TRA2A: variants seen among roughly 807,000 people sequenced by gnomAD.
The protein encoded by TRA2A is transformer 2 alpha homolog.
TRA2A carries 31 observed loss-of-function variants against 45.7 expected under a neutral mutation model. The ratio of observed to expected loss-of-function variants is 0.68; its 90% CI spans 0.51 to 0.92. The LOEUF is 0.92. TRA2A is among the 40% of genes least tolerant of loss of function. The pLI is 0.00. For synonymous variants in TRA2A, 132 were observed against 126.2 expected, an observed-to-expected ratio of 1.05 and a Z score of -0.31; for missense variants, 304 against 367.5, an observed-to-expected ratio of 0.83 and a Z score of 1.41.
intron 3 of TRA2A, among the ~76,000 whole-genome samples, chr7:23,514,600 C>T (rs1246248753): frequency 6.7e-6 from 1 of 149,676 alleles, no homozygotes; most frequent in East Asian, 2.0e-4. Flanking sequence ...CATTTTCTTT[C>T]TTTTTTTTTT....
chr7:23,519,488 G>A (rs1337806346), intron 2 of TRA2A, among the ~76,000 whole-genome samples: 1 of 152,086 alleles, frequency 6.6e-6, no homozygotes, highest in Non-Finnish European at 1.5e-5. Flanking sequence ...CCCAGGAGGT[G>A]GAGGTTGCAG....
intron 4 of TRA2A, among the ~76,000 whole-genome samples, chr7:23,511,385 AAAAAAAAAAAAAAAAAAAAAAAAAAG>A (rs1245218967): frequency 0.38 from 26,688 of 70,070 alleles, 3,493 homozygotes; most frequent in African/African-American, 0.48. Flanking sequence ...AAAAAAAAAA[AAAAAAAAAAAAAAAAAAAAAAAAAAG>A]AAAAGAAAAG....
At chr7:23,508,375 C>T (rs1484692436) in intron 4 of TRA2A, among the ~76,000 whole-genome samples, 1 of 151,586 alleles carries the variant, frequency 6.6e-6, no homozygotes, top group African/African-American at 2.4e-5. Flanking sequence ...TTATGCAATC[C>T]TCCAGCCTTA....
At chr7:23,509,918 C>G (rs375339510) in intron 4 of TRA2A, among the ~76,000 whole-genome samples, 1 of 151,958 alleles carries the variant, frequency 6.6e-6, no homozygotes, top group African/African-American at 2.4e-5. Flanking sequence ...CCCAGCTACT[C>G]GGGAGGCTAA....
intron 1 of TRA2A, among the ~76,000 whole-genome samples, chr7:23,530,960 T>C (rs6594): frequency 0.13 from 19,022 of 151,614 alleles, 1,458 homozygotes; most frequent in East Asian, 0.37. Flanking sequence ...AGTTTTTAGA[T>C]GAAAGGTCAT....
At chr7:23,526,174 A>G (rs1344615471) in intron 1 of TRA2A, among the ~76,000 whole-genome samples, 1 of 152,340 alleles carries the variant, frequency 6.6e-6, no homozygotes, top group Admixed American at 6.5e-5. Context: ...ACAGCAAGCA[A>G]TAACTGCAGT....
chr7:23,506,101 T>C, intron 6 of TRA2A, 37 bp downstream of exon 6: 2 of 1,554,752 alleles, frequency 1.3e-6, no homozygotes, highest in Non-Finnish European at 1.8e-6. Flanking sequence ...ACTACTATCA[T>C]CTAATTTAGA....
chr7:23,520,267 T>A (rs1411038345), intron 2 of TRA2A, among the ~76,000 whole-genome samples: 1 of 152,180 alleles, frequency 6.6e-6, no homozygotes, highest in African/African-American at 2.4e-5. Context: ...CTATTTTTTT[T>A]AAATCAGACA....
chr7:23,512,883 G>T lies in TRA2A; in HGVS notation c.525+11C>A, dbSNP rs186972773. 218 of 1,590,986 alleles carry T rather than the reference G, an allele frequency of 1.4e-4. No homozygotes were observed. The African/African-American group carries it at 2.2e-3, about 16-fold the overall frequency. ...CAGTACTATAATCAGGCATATAAAA[G>T]ACAAATTTACCTCCTTTGAGTCATC... On this transcript the variant is annotated intron_variant, in intron 4 of 7. Coordinates refer to ENST00000297071, the MANE Select transcript of TRA2A (RefSeq NM_013293.5).
chr7:23,525,045 T>C (rs1216386004), intron 1 of TRA2A, among the ~76,000 whole-genome samples: 2 of 152,192 alleles, frequency 1.3e-5, no homozygotes, highest in African/African-American at 2.4e-5. Context: ...CAGTAACTAT[T>C]AGTAAACTTA....
intron 2 of TRA2A, among the ~76,000 whole-genome samples, chr7:23,517,583 T>A (rs1201160113): frequency 6.8e-6 from 1 of 148,002 alleles, no homozygotes; most frequent in Non-Finnish European, 1.5e-5. Flanking sequence ...CACACTTCTA[T>A]TTTAAAAAAA....
chr7:23,531,258 A>G lies in TRA2A; in HGVS notation c.36+531T>C, dbSNP rs925089677. 28 of 987,084 alleles carry G rather than the reference A, an allele frequency of 2.8e-5. No individual in the cohort carries two copies. In the African/African-American group the frequency reaches 4.7e-4, roughly 17 times the overall value. 61.1% of individuals were successfully genotyped at this position (987,084 alleles called of 1,614,324 possible). ...CGCAACGCCGCCGGTTCCAACAGAG[A>G]CGCGGCCGCTCACTGAAATAGAGAG... On this transcript the variant is annotated intron_variant, in intron 1 of 7. Coordinates refer to ENST00000297071, the MANE Select transcript of TRA2A (RefSeq NM_013293.5).
intron 4 of TRA2A, among the ~76,000 whole-genome samples, chr7:23,511,906 G>A (rs1789638171): frequency 6.6e-6 from 1 of 152,106 alleles, no homozygotes; most frequent in Admixed American, 6.5e-5. Flanking sequence ...AACATTTAGA[G>A]AATAGAAAAA....
intron 4 of TRA2A, among the ~76,000 whole-genome samples, chr7:23,511,935 T>C (rs965128728): frequency 2.6e-5 from 4 of 152,250 alleles, no homozygotes; most frequent in Non-Finnish European, 5.9e-5. Context: ...TTCCTCATTA[T>C]AGACACAAAA....
In TRA2A at chr7:23,505,585, C is replaced by CAAAAAA. The variant is rs5882904; in HGVS notation, c.839-22_839-17dup. Reference sequence around the variant, plus strand: ...CAATAGCGTCCTAAAAGAGAAAAAGCAAAAAAAAAAAAAAAAAAAAAAAGT... The same window carrying CAAAAAA: ...CAATAGCGTCCTAAAAGAGAAAAAGCAAAAAAAAAAAAAAAAAAAAAAAAAAAAAGT... On this transcript the variant is annotated splice_polypyrimidine_tract_variant and intron_variant, in intron 7 of 7. Transcript: ENST00000297071. 1.1e-4 allele frequency: 28 copies of CAAAAAA among 244,954 alleles called. No individual in the cohort carries two copies. The highest frequency in any genetic ancestry group is 4.1e-4 in the South Asian group (4 of 9,810). The allele number at this position is 244,954 out of a possible 1,614,324, so 15.2% of individuals were successfully genotyped here.
At chr7:23,514,034 A>G (rs1789746761) in intron 3 of TRA2A, among the ~76,000 whole-genome samples, 1 of 152,058 alleles carries the variant, frequency 6.6e-6, no homozygotes, top group Non-Finnish European at 1.5e-5. Flanking sequence ...CTAAGAACAT[A>G]AAGTACATTG....
At chr7:23,519,095 G>C (rs531523186) in intron 2 of TRA2A, among the ~76,000 whole-genome samples, 1 of 152,228 alleles carries the variant, frequency 6.6e-6, no homozygotes, top group South Asian at 2.1e-4. Flanking sequence ...TTCTTTGCCT[G>C]TAAGACTAAT....
chr7:23,520,392 T>C (rs1302438431), intron 2 of TRA2A, among the ~76,000 whole-genome samples: 6 of 152,174 alleles, frequency 3.9e-5, no homozygotes, highest in Admixed American at 1.3e-4. Flanking sequence ...AGGTGGCAAA[T>C]GCAAAGGCCC....
chr7:23,525,525 C>CT (rs2127999950), intron 1 of TRA2A, among the ~76,000 whole-genome samples: 1 of 152,314 alleles, frequency 6.6e-6, no homozygotes, highest in African/African-American at 2.4e-5. Context: ...GGCCTCCAGT[C>CT]TATCTTATAG....
Sources: gnomAD v4.1 joint callset for allele counts (sites outside exome capture counted in the v4.1 genomes callset) on GRCh38, gnomAD v4.1.1 for gene constraint, MANE v1.5 for transcripts, NCBI Gene and HGNC (gene_info 2026-07-23, HGNC 2026-07-21) for gene names.